DENND2B: variants seen among roughly 807,000 people sequenced by gnomAD.
The protein encoded by DENND2B is DENN domain containing 2B, also known as DENN domain-containing protein 2B.
A neutral mutation model predicts 116.0 loss-of-function variants in DENND2B; 32 were observed. The ratio of observed to expected loss-of-function variants is 0.28; its 90% confidence interval spans 0.21 to 0.37. The LOEUF is 0.37. Ranked by LOEUF, DENND2B falls within the 10% of genes least tolerant of loss-of-function variation. The probability of loss-of-function intolerance (pLI) is 1.00; values close to 1 mark genes in which losing one functional copy is unlikely to be tolerated. For synonymous variants in DENND2B, 588 were observed against 583.9 expected (o/e 1.01, Z -0.10); for missense variants, 1,276 against 1,477.7 (o/e 0.86, Z 2.24).
At chr11:8,876,924 G>A (rs1022345282) in intron 2 of DENND2B, among the ~76,000 whole-genome samples, 56 of 150,782 alleles carry the variant, frequency 3.7e-4, no homozygotes, top group African/African-American at 1.3e-3. Context: ...AAGTAATAAG[G>A]CAGCTTGACT....
At position 8,698,137 on chromosome 11, in the gene DENND2B, C is replaced by CAAAAAAAAAAA. The variant is rs33975736; in HGVS notation, c.2941-512_2941-502dup. On this transcript the variant is annotated intron_variant, in intron 16 of 19. Coordinates refer to ENST00000313726, the MANE Select transcript of DENND2B (RefSeq NM_213618.2). ...CTGGATGACAGTGAGACCCTGTCTCCAAAAAAAAAAAAAAAAAAAAAAAAA... is the reference window on the plus strand; with the variant it reads ...CTGGATGACAGTGAGACCCTGTCTCCAAAAAAAAAAAAAAAAAAAAAAAAAAAAAAAAAAAA... 5.8e-4 allele frequency among the ~76,000 whole-genome samples: 23 copies of CAAAAAAAAAAA among 39,822 alleles called. 1 individual carries two copies. Among genetic ancestry groups the CAAAAAAAAAAA allele is most frequent in the East Asian group, 1.1e-3 (1 of 888 alleles). 26.1% of individuals were successfully genotyped at this position (39,822 alleles called of 152,430 possible).
At chr11:8,901,935 A>C (rs537141910) in intron 1 of DENND2B, among the ~76,000 whole-genome samples, 1 of 152,234 alleles carries the variant, frequency 6.6e-6, no homozygotes, top group South Asian at 2.1e-4. Flanking sequence ...GTATTGTGCT[A>C]TTGTTGGATG....
At chr11:8,900,613 A>G (rs1268821251) in intron 1 of DENND2B, among the ~76,000 whole-genome samples, 1 of 151,218 alleles carries the variant, frequency 6.6e-6, no homozygotes, top group Admixed American at 6.6e-5. Flanking sequence ...AAAAAAAAAG[A>G]AAGAAGTAGA....
intron 2 of DENND2B, among the ~76,000 whole-genome samples, chr11:8,857,913 C>T (rs2063251920): frequency 6.6e-6 from 1 of 152,202 alleles, no homozygotes; most frequent in African/African-American, 2.4e-5. Flanking sequence ...ATATGCTCGA[C>T]CAAATCCAAT....
intron 2 of DENND2B, among the ~76,000 whole-genome samples, chr11:8,862,990 T>C (rs1172096889): frequency 1.3e-5 from 2 of 152,094 alleles, no homozygotes; most frequent in Non-Finnish European, 2.9e-5. Flanking sequence ...CAATACCTTT[T>C]GGCAGAGCTA....
intron 1 of DENND2B, among the ~76,000 whole-genome samples, chr11:8,764,143 C>T (rs535833277): frequency 6.6e-6 from 1 of 152,014 alleles, no homozygotes; most frequent in Non-Finnish European, 1.5e-5. Flanking sequence ...TCACTTGAAC[C>T]CGGGAGGCGG....
At chr11:8,752,097 T>A (rs2052614935) in intron 1 of DENND2B, among the ~76,000 whole-genome samples, 2 of 152,048 alleles carry the variant, frequency 1.3e-5, no homozygotes, top group Admixed American at 1.3e-4. Flanking sequence ...ATCACGTGTG[T>A]GATAATAAGT....
intron 5 of DENND2B, among the ~76,000 whole-genome samples, chr11:8,717,425 G>A (rs1342269817): frequency 2.6e-5 from 4 of 152,198 alleles, no homozygotes; most frequent in African/African-American, 9.7e-5. Flanking sequence ...GACTGCAAGG[G>A]CTCCTGGCTG....
chr11:8,801,770 G>T (rs1048026085), intron 1 of DENND2B, among the ~76,000 whole-genome samples: 2 of 150,192 alleles, frequency 1.3e-5, no homozygotes, highest in Admixed American at 1.3e-4. Flanking sequence ...TTGGAAAGCC[G>T]AGGTGGGCGG....
chr11:8,881,830 C>T (rs1659052972), intron 1 of DENND2B, among the ~76,000 whole-genome samples: 1 of 152,212 alleles, frequency 6.6e-6, no homozygotes, highest in South Asian at 2.1e-4. Context: ...CAGGCGTGAG[C>T]CAGCATGCCC....
At chr11:8,807,625 AG>A (rs2060989919) in intron 1 of DENND2B, among the ~76,000 whole-genome samples, 1 of 152,140 alleles carries the variant, frequency 6.6e-6, no homozygotes, top group African/African-American at 2.4e-5. Flanking sequence ...GAGTAGAAGG[AG>A]GAAAGAGGGA....
chr11:8,793,205 G>C (rs1324334640), intron 1 of DENND2B, among the ~76,000 whole-genome samples: 1 of 152,134 alleles, frequency 6.6e-6, no homozygotes, highest in Non-Finnish European at 1.5e-5. Flanking sequence ...TTGCAGTAAA[G>C]TATATAAAAT....
At chr11:8,785,000 G>A (rs1396672557) in intron 1 of DENND2B, among the ~76,000 whole-genome samples, 1 of 152,216 alleles carries the variant, frequency 6.6e-6, no homozygotes, top group Non-Finnish European at 1.5e-5. Context: ...CAGCATGGAA[G>A]TTCTACTGGC....
chr11:8,910,252 C>T (rs1051405443), intron 1 of DENND2B, among the ~76,000 whole-genome samples: 4 of 151,658 alleles, frequency 2.6e-5, no homozygotes, highest in African/African-American at 9.7e-5. Flanking sequence ...CTCCGTCTCG[C>T]CTCAATCCCG....
At chr11:8,845,821 C>G (rs1378903608) in intron 3 of DENND2B, among the ~76,000 whole-genome samples, 5 of 152,112 alleles carry the variant, frequency 3.3e-5, no homozygotes, top group Non-Finnish European at 7.4e-5. Context: ...TCAAAATTAA[C>G]ATTAAATTAT....
chr11:8,769,237 TTC>T (rs947847414), intron 1 of DENND2B, among the ~76,000 whole-genome samples: 2 of 100,380 alleles, frequency 2.0e-5, no homozygotes, highest in Non-Finnish European at 4.8e-5. Flanking sequence ...GTAAAGCAAC[TTC>T]TTTTTTTTTT....
intron 1 of DENND2B, among the ~76,000 whole-genome samples, chr11:8,797,446 CCCTTCTTCCT>C (rs1259030911): frequency 1.0e-4 from 13 of 127,536 alleles, no homozygotes; most frequent in African/African-American, 1.4e-4. Context: ...CCCTTCTTCC[CCCTTCTTCCT>C]CCTTCTTCCC....
intron 4 of DENND2B, among the ~76,000 whole-genome samples, chr11:8,828,624 ACT>A (rs1322236370): frequency 6.6e-6 from 1 of 151,818 alleles, no homozygotes; most frequent in African/African-American, 2.4e-5. Context: ...CGGACCGAGC[ACT>A]CTTTTAATAG....
intron 1 of DENND2B, among the ~76,000 whole-genome samples, chr11:8,759,925 A>G (rs1383968867): frequency 6.6e-6 from 1 of 152,226 alleles, no homozygotes; most frequent in Non-Finnish European, 1.5e-5. Flanking sequence ...CAACTAAATC[A>G]GGATGATCCT....
Sources: allele counts gnomAD v4.1 joint callset (sites outside exome capture counted in the v4.1 genomes callset), GRCh38; gene constraint gnomAD v4.1.1; transcripts MANE v1.5; gene names NCBI Gene and HGNC (gene_info 2026-07-23, HGNC 2026-07-21).